RNF10: variants seen among roughly 807,000 people sequenced by gnomAD.
RNF10 encodes the protein E3 ubiquitin-protein ligase RNF10.
In RNF10, 38 loss-of-function variants were observed where a neutral mutation model predicts 91.4. The ratio of observed to expected loss-of-function variants is 0.42; its 90% CI spans 0.32 to 0.54. The LOEUF is 0.54. Ranked by LOEUF, RNF10 falls within the 20% of genes least tolerant of loss-of-function variation. RNF10 has a pLI of 0.16. For synonymous variants in RNF10, 364 were observed against 366.3 expected, an observed-to-expected ratio of 0.99 and a Z score of 0.07; for missense variants, 945 against 1,012.0, an observed-to-expected ratio of 0.93 and a Z score of 0.90.
At position 120,567,633 on chromosome 12, in the gene RNF10, G is replaced by A. The variant is rs552402281; in HGVS notation, c.2041+653G>A. Among the ~76,000 whole-genome samples, 6 of 151,564 alleles carry A rather than the reference G, an allele frequency of 4.0e-5. No homozygotes were observed. In the South Asian group the frequency reaches 8.4e-4, roughly 21 times the overall value. On this transcript the variant is annotated intron_variant, in intron 13 of 16. Transcript: ENST00000325954. ...ACAGAATTGCTTGAACCTGGGAGGC[G>A]GAGGTCTCAGTGAGACAAGGTTGCG... is the stretch of plus-strand genomic sequence containing the variant.
intron 2 of RNF10, among the ~76,000 whole-genome samples, chr12:120,547,037 G>C (rs1872443290): frequency 6.6e-6 from 1 of 152,078 alleles, no homozygotes; most frequent in African/African-American, 2.4e-5. Flanking sequence ...TTATGTACAA[G>C]GGTATTCACT....
intron 1 of RNF10, among the ~76,000 whole-genome samples, chr12:120,545,073 A>G (rs921478328): frequency 6.6e-6 from 1 of 152,254 alleles, no homozygotes; most frequent in African/African-American, 2.4e-5. Flanking sequence ...TTAAAAGGAA[A>G]ACACTGTTAA....
rs191156539 is a variant in RNF10, at chr12:120,565,770, A to G, written c.1885+241A>G. 2.2e-3 allele frequency among the ~76,000 whole-genome samples: 337 copies of G among 152,326 alleles called. 3 individuals carry two copies. The highest frequency in any genetic ancestry group is 0.017 in the Admixed American group (263 of 15,298). On this transcript the variant is annotated intron_variant, in intron 12 of 16. Transcript: ENST00000325954. ...GCCTTGGTAATAGTGGGTGATATAC[A>G]CCTGTTCCAGAGATGGGAATTGGGG... is the stretch of plus-strand genomic sequence containing the variant.
chr12:120,554,870 G>T, intron 4 of RNF10, 62 bp downstream of exon 4: 1 of 1,323,384 alleles, frequency 7.6e-7, no homozygotes, highest in Non-Finnish European at 1.1e-6. Flanking sequence ...GCACTGTGGT[G>T]ACGCAGCAGC....
intron 2 of RNF10, among the ~76,000 whole-genome samples, chr12:120,548,200 T>C (rs1342704378): frequency 2.6e-5 from 4 of 152,276 alleles, no homozygotes; most frequent in Non-Finnish European, 4.4e-5. Context: ...TTGATAAATA[T>C]AAGCAGAATA....
chr12:120,571,998 T>C (rs562462308), intron 14 of RNF10, among the ~76,000 whole-genome samples: 8 of 151,446 alleles, frequency 5.3e-5, no homozygotes, highest in Non-Finnish European at 7.4e-5. Flanking sequence ...CAGCTTGACA[T>C]GTGCCCTTGT....
intron 10 of RNF10, 109 bp downstream of exon 10, chr12:120,564,052 G>A (rs1875317929): frequency 8.1e-7 from 1 of 1,241,428 alleles, no homozygotes; most frequent in Non-Finnish European, 1.1e-6. Flanking sequence ...TTTAGTTTTT[G>A]TATTTTTAGT....
At chr12:120,561,258 T>C (rs767045849) in intron 7 of RNF10, among the ~76,000 whole-genome samples, 1 of 152,158 alleles carries the variant, frequency 6.6e-6, no homozygotes, top group Non-Finnish European at 1.5e-5. Flanking sequence ...ATTCTAGAGG[T>C]GTTTTGAAAG....
chr12:120,550,158 C>T (rs1282961451), intron 2 of RNF10, among the ~76,000 whole-genome samples: 3 of 152,086 alleles, frequency 2.0e-5, no homozygotes, highest in East Asian at 3.9e-4. Flanking sequence ...AAGTTTACCA[C>T]GTGGTACAGC....
chr12:120,547,867 T>C (rs1265899577), intron 2 of RNF10, among the ~76,000 whole-genome samples: 1 of 151,712 alleles, frequency 6.6e-6, no homozygotes, highest in East Asian at 1.9e-4. Context: ...AGGGGAAGAG[T>C]GGAAGCAGGA....
At chr12:120,552,824 T>C (rs1873317446) in intron 3 of RNF10, 126 bp downstream of exon 3, 5 of 821,642 alleles carry the variant, frequency 6.1e-6, no homozygotes, top group Non-Finnish European at 9.4e-6. Flanking sequence ...TCTCGTTCTT[T>C]TTCTGTTCAC....
intron 1 of RNF10, 49 bp downstream of exon 1, chr12:120,535,017 G>A (rs756586217): frequency 2.2e-5 from 34 of 1,521,956 alleles, no homozygotes; most frequent in Non-Finnish European, 2.9e-5. Flanking sequence ...CCCTGCTGCT[G>A]GGGAGAGTCG....
At position 120,548,949 on chromosome 12, in the gene RNF10, C is replaced by T. The variant is rs373069215; in HGVS notation, c.354+2348C>T. ...CCTCCCAAAGTGCTGGGATTACAGG[C>T]ATGAGCCACCGCGCCCGGCTGAGGG... On this transcript the variant is annotated intron_variant, in intron 2 of 16. Transcript: ENST00000325954. Among the ~76,000 whole-genome samples, 5 of 151,986 alleles carry T rather than the reference C, an allele frequency of 3.3e-5. No individual in the cohort carries two copies. The East Asian group carries it at 7.7e-4, about 24-fold the overall frequency.
chr12:120,577,165 A>G lies in RNF10; in HGVS notation c.*499A>G, dbSNP rs534963229. ...GGGGTGGGAATAAAATGGATTTAGG[A>G]CACCCAGTTTGAATTGCAGTTTTTT... On this transcript the variant is annotated 3_prime_UTR_variant, in exon 17 of 17. Coordinates refer to ENST00000325954, the MANE Select transcript of RNF10 (RefSeq NM_014868.5). 1.7e-4 allele frequency: 78 copies of G among 451,936 alleles called. No individual in the cohort carries two copies. Among genetic ancestry groups the G allele is most frequent in the Middle Eastern group, 1.6e-3 (5 of 3,058 alleles). The allele number at this position is 451,936 out of a possible 1,614,324, so 28.0% of individuals were successfully genotyped here.
chr12:120,551,354 G>A (rs1873059645), intron 2 of RNF10, among the ~76,000 whole-genome samples: 1 of 138,244 alleles, frequency 7.2e-6, no homozygotes, highest in Non-Finnish European at 1.5e-5. Flanking sequence ...GAGTGCAATG[G>A]TGTGATCTTG....
At chr12:120,561,150 G>T (rs565815526) in intron 7 of RNF10, among the ~76,000 whole-genome samples, 1 of 152,308 alleles carries the variant, frequency 6.6e-6, no homozygotes, top group East Asian at 1.9e-4. Context: ...AAGTCAAAAT[G>T]ATTTTATAAC....
Position 120,534,773 on chromosome 12 carries a change from G to A in RNF10, c.-39G>A. ...ATGAGCCTGGGTCCCCGCCGCGCCC[G>A]CTCCGCTCCGACTGCCGTCGCCGCC... On this transcript the variant is annotated 5_prime_UTR_variant, in exon 1 of 17. Transcript: ENST00000325954. 6.5e-7 allele frequency: 1 copy of A among 1,532,524 alleles called. No individual in the cohort carries two copies. Among genetic ancestry groups the A allele is most frequent in the South Asian group, 1.2e-5 (1 of 83,506 alleles). The allele number at this position is 1,532,524 out of a possible 1,614,324, so 94.9% of individuals were successfully genotyped here.
At chr12:120,566,747 G>C in intron 12 of RNF10, 78 bp from the exon 13 acceptor site, 2 of 1,315,016 alleles carry the variant, frequency 1.5e-6, no homozygotes, top group African/African-American at 3.2e-5. Flanking sequence ...GGGTGACAGA[G>C]TGAGACCCCA....
intron 1 of RNF10, among the ~76,000 whole-genome samples, chr12:120,538,029 TAC>T (rs1871087284): frequency 6.6e-6 from 1 of 152,160 alleles, no homozygotes; most frequent in Non-Finnish European, 1.5e-5. Flanking sequence ...AACAAAAGGG[TAC>T]ACTCAAGCTC....
Sources: allele counts gnomAD v4.1 joint callset (sites outside exome capture counted in the v4.1 genomes callset), GRCh38; gene constraint gnomAD v4.1.1; transcripts MANE v1.5; gene names NCBI Gene and HGNC (gene_info 2026-07-23, HGNC 2026-07-21).